Variants in TRIP11 observed in about 807,000 individuals in gnomAD.
The protein encoded by TRIP11 is thyroid receptor-interacting protein 11.
A neutral mutation model predicts 223.1 loss-of-function variants in TRIP11; 148 were observed. That is an observed-to-expected ratio of 0.66 (90% confidence interval 0.58 to 0.76). The LOEUF is 0.76. TRIP11 is among the 30% of genes least tolerant of loss of function. TRIP11 has a pLI of 0.00. For synonymous variants in TRIP11, 762 were observed against 772.6 expected (o/e 0.99, Z 0.23); for missense variants, 2,043 against 2,222.0 (o/e 0.92, Z 1.62).
At position 92,006,361 on chromosome 14, in the gene TRIP11, C is replaced by T. The variant is rs1479452146; in HGVS notation, c.1615G>A (p.Glu539Lys). 1 of 1,609,152 alleles carries T rather than the reference C, an allele frequency of 6.2e-7. No homozygotes were observed. The highest frequency in any genetic ancestry group is 1.7e-4 in the Middle Eastern group (1 of 6,010). The part of the protein sequence containing the change: ...ISKLKQDLND[E>K]KKRVHQLEDD... ...TCAAGTTGATGAACTCTCTTTTTTTCATCATTTAGATCTTGTTTCAGTTTA... is the reference window on the plus strand; with the variant it reads ...TCAAGTTGATGAACTCTCTTTTTTTTATCATTTAGATCTTGTTTCAGTTTA... The change falls in exon 11 of 21, where the codon GAA becomes AAA. Residue 539 changes from glutamate (E) to lysine (K), a missense_variant. Coordinates refer to ENST00000267622, the MANE Select transcript of TRIP11 (RefSeq NM_004239.4).
At chr14:92,011,889 T>A in intron 7 of TRIP11, 94 bp from the exon 8 acceptor site, 1 of 1,143,784 alleles carries the variant, frequency 8.7e-7, no homozygotes, top group Non-Finnish European at 1.3e-6. Flanking sequence ...AATTAAAGTG[T>A]ATATAAGCAC....
At position 91,993,934 on chromosome 14, in the gene TRIP11, C is replaced by T. The variant is rs1595378605; in HGVS notation, c.5057-22G>A. On this transcript the variant is annotated intron_variant, in intron 14 of 20. Coordinates refer to ENST00000267622, the MANE Select transcript of TRIP11 (RefSeq NM_004239.4). ...TCCTCTAAAGAGAAAAGAAAGTTAA[C>T]ATTAGTATTTTGCAATCGTGTGTTA... 7.0e-6 allele frequency: 11 copies of T among 1,576,858 alleles called. No homozygotes were observed. The East Asian group carries it at 2.5e-4, about 35-fold the overall frequency.
intron 16 of TRIP11, among the ~76,000 whole-genome samples, chr14:91,981,340 T>C (rs945379473): frequency 3.3e-5 from 5 of 151,396 alleles, no homozygotes; most frequent in African/African-American, 4.9e-5. Context: ...TTAAAAGATA[T>C]TATACTATTT....
intron 4 of TRIP11, among the ~76,000 whole-genome samples, chr14:92,020,584 G>C (rs2057098398): frequency 6.6e-6 from 1 of 151,666 alleles, no homozygotes; most frequent in Non-Finnish European, 1.5e-5. Context: ...GTTTACACCA[G>C]AGGAGTCTCA....
chr14:92,013,095 T>C lies in TRIP11; in HGVS notation c.1186+1120A>G, dbSNP rs539882158. Among the ~76,000 whole-genome samples, 14 of 152,170 alleles carry C rather than the reference T, an allele frequency of 9.2e-5. No homozygotes were observed. In the East Asian group the frequency reaches 2.3e-3, roughly 25 times the overall value. On this transcript the variant is annotated intron_variant, in intron 7 of 20. Coordinates refer to ENST00000267622, the MANE Select transcript of TRIP11 (RefSeq NM_004239.4). Reference sequence around the variant, plus strand: ...CATCCTGGCCAACATGGTGAAACCCTGTCTCTACTAAAAATACAAAAATTA... The same window carrying C: ...CATCCTGGCCAACATGGTGAAACCCCGTCTCTACTAAAAATACAAAAATTA...
At chr14:91,999,870 T>C in intron 12 of TRIP11, 98 bp downstream of exon 12, 1 of 1,508,642 alleles carries the variant, frequency 6.6e-7, no homozygotes, top group Non-Finnish European at 9.1e-7. Flanking sequence ...AAAAATCACC[T>C]AACAGAGAAA....
intron 7 of TRIP11, 41 bp from the exon 8 acceptor site, chr14:92,011,836 G>C (rs1409455902): frequency 6.3e-7 from 1 of 1,583,728 alleles, no homozygotes; most frequent in African/African-American, 1.3e-5. Flanking sequence ...AAATTATTTA[G>C]AGTAACTTAT....
intron 8 of TRIP11, 61 bp from the exon 9 acceptor site, chr14:92,011,133 T>C (rs2056967120): frequency 2.1e-6 from 3 of 1,417,048 alleles, no homozygotes; most frequent in African/African-American, 2.8e-5. Context: ...ATAAAAAAGC[T>C]GGCAATCTAT....
rs762879196 is a variant in TRIP11, at chr14:92,004,415, T to TA, written c.3560dup (p.Leu1187PhefsTer8). On this transcript the variant is annotated frameshift_variant, in exon 11 of 21. Transcript: ENST00000267622. LOFTEE classifies it high-confidence loss of function. The stretch of plus-strand genomic sequence containing the variant: ...CCTCATTACCAGTGCTGGATGTTTG[T>TA]AAAACTGCCAATAAAGTCTGACATT... 3 of 1,614,086 alleles carry TA rather than the reference T, an allele frequency of 1.9e-6. No homozygotes were observed. Among genetic ancestry groups the TA allele is most frequent in the Non-Finnish European group, 2.5e-6 (3 of 1,180,036 alleles).
chr14:92,005,028 C>T lies in TRIP11; in HGVS notation c.2948G>A (p.Arg983Lys), dbSNP rs1235666987. The T allele has an allele frequency of 2.5e-6, 4 of 1,613,844 alleles. No individual in the cohort carries two copies. Among genetic ancestry groups the T allele is most frequent in the Non-Finnish European group, 3.4e-6 (4 of 1,180,014 alleles). Residue 983 changes from arginine to lysine, a missense_variant, in exon 11 of 21, where the codon AGA becomes AAA. By Grantham distance (26) the Arg-to-Lys change is conservative (BLOSUM62 2). Coordinates refer to ENST00000267622, the MANE Select transcript of TRIP11 (RefSeq NM_004239.4). The stretch of plus-strand genomic sequence containing the variant: ...AGAGTTATCTGTTTGAATGTCCTGT[C>T]TTTCTTCATGCAACTGGGTTTTGAT... ...EQIKTQLHEE[R>K]QDIQTDNSDI...
chr14:91,994,258 C>CTTT (rs539125037), intron 14 of TRIP11, among the ~76,000 whole-genome samples: 32 of 127,426 alleles, frequency 2.5e-4, no homozygotes, highest in African/African-American at 3.3e-4. Context: ...ACCTCAAAAA[C>CTTT]TTTTTTTTTT....
In TRIP11 at chr14:91,999,293, G is replaced by A. The variant is rs532736997; in HGVS notation, c.4839C>T (p.Val1613=). 2 of 1,613,784 alleles carry A rather than the reference G, an allele frequency of 1.2e-6. No homozygotes were observed. The highest frequency in any genetic ancestry group is 2.2e-5 in the South Asian group (2 of 91,060). ...AAACTAGCTTTTCCTCCAATACTGT[G>A]ACTTTCTTTCTTAGTTTAGCCTCTC... ...EDREAKLRKK[V]TVLEEKLVSS... Residue 1613 remains valine, a synonymous_variant, in exon 13 of 21, where the codon GTC becomes GTT. Coordinates refer to ENST00000267622, the MANE Select transcript of TRIP11 (RefSeq NM_004239.4).
intron 8 of TRIP11, among the ~76,000 whole-genome samples, chr14:92,011,284 A>T (rs1039300736): frequency 3.3e-4 from 50 of 151,794 alleles, no homozygotes; most frequent in African/African-American, 1.2e-3. Flanking sequence ...AAGGTCAGGA[A>T]ATCAAGACCA....
intron 6 of TRIP11, among the ~76,000 whole-genome samples, chr14:92,014,951 T>A (rs1404364139): frequency 2.6e-5 from 4 of 151,220 alleles, no homozygotes; most frequent in Non-Finnish European, 5.9e-5. Context: ...TTGCCCAGGC[T>A]GGAGGGCAGT....
At chr14:91,995,658 CA>C (rs2056741922) in intron 13 of TRIP11, 143 bp from the exon 14 acceptor site, 1 of 804,010 alleles carries the variant, frequency 1.2e-6, no homozygotes, top group Non-Finnish European at 1.8e-6. Flanking sequence ...CTCTGTCACC[CA>C]GGCTGGAGTG....
At chr14:92,017,075 A>G (rs1393984628) in intron 5 of TRIP11, among the ~76,000 whole-genome samples, 1 of 152,184 alleles carries the variant, frequency 6.6e-6, no homozygotes, top group Non-Finnish European at 1.5e-5. Context: ...CTAAACCTTG[A>G]AACTTCAGCA....
At chr14:92,039,187 G>C (rs1445286824) in intron 1 of TRIP11, among the ~76,000 whole-genome samples, 1 of 152,114 alleles carries the variant, frequency 6.6e-6, no homozygotes, top group East Asian at 1.9e-4. Context: ...TTTAAACTGG[G>C]TCAGAATACA....
Position 92,006,382 on chromosome 14 carries a change from G to C in TRIP11, c.1594C>G (p.Leu532Val), listed in dbSNP as rs1412079045. 2 of 1,612,724 alleles carry C rather than the reference G, an allele frequency of 1.2e-6. No homozygotes were observed. Among genetic ancestry groups the C allele is most frequent in the African/African-American group, 2.7e-5 (2 of 74,838 alleles). The change falls in exon 11 of 21, where the codon CTG becomes GTG. Residue 532 changes from leucine to valine, a missense_variant. Physicochemically the swap from Leu to Val is conservative, Grantham distance 32 (BLOSUM62 1). Transcript: ENST00000267622. Reference sequence around the variant, plus strand: ...TTTTCATCATTTAGATCTTGTTTCAGTTTACTGATGATGCTATCTCCTTCA... The same window carrying C: ...TTTTCATCATTTAGATCTTGTTTCACTTTACTGATGATGCTATCTCCTTCA... The part of the protein sequence containing the change: ...QNEGDSIISK[L>V]KQDLNDEKKR...
intron 16 of TRIP11, among the ~76,000 whole-genome samples, chr14:91,983,518 G>A (rs115313771): frequency 6.6e-6 from 1 of 152,262 alleles, no homozygotes; most frequent in East Asian, 1.9e-4. Flanking sequence ...TTTAAACTTA[G>A]AGGAATTTTT....
Sources: gnomAD v4.1 joint callset for allele counts (sites outside exome capture counted in the v4.1 genomes callset) on GRCh38, gnomAD v4.1.1 for gene constraint, MANE v1.5 for transcripts, NCBI Gene and HGNC (gene_info 2026-07-23, HGNC 2026-07-21) for gene names.